SLC9A9: variants seen among roughly 807,000 people sequenced by gnomAD.
SLC9A9 encodes the protein sodium/hydrogen exchanger 9.
Under a neutral mutation model 77.8 loss-of-function variants are expected in SLC9A9, and 62 were observed. The observed-to-expected ratio is 0.80, with a 90% CI of 0.65 to 0.98. SLC9A9 has a LOEUF of 0.98. Ranked by LOEUF, SLC9A9 falls within the 50% of genes least tolerant of loss-of-function variation. SLC9A9 has a pLI of 0.00. For synonymous variants in SLC9A9, 320 were observed against 283.5 expected (o/e 1.13, Z -1.29); for missense variants, 775 against 774.9 (o/e 1.00, Z 0.00).
chr3:143,565,145 C>G (rs16853819), intron 8 of SLC9A9, among the ~76,000 whole-genome samples: 19,280 of 152,174 alleles, frequency 0.13, 1,282 homozygotes, highest in African/African-American at 0.14. Flanking sequence ...ATATTCTACC[C>G]TTGTGTGGAA....
At chr3:143,556,462 G>C (rs1365285427) in intron 8 of SLC9A9, among the ~76,000 whole-genome samples, 2 of 152,202 alleles carry the variant, frequency 1.3e-5, no homozygotes, top group African/African-American at 4.8e-5. Context: ...AGAAGGGCTT[G>C]CTTCTTCCTA....
At chr3:143,352,558 A>G in intron 14 of SLC9A9, among the ~76,000 whole-genome samples, 1 of 132,966 alleles carries the variant, frequency 7.5e-6, no homozygotes, top group Non-Finnish European at 1.5e-5. Context: ...CTGAAATACT[A>G]GAAGACAAGC....
chr3:143,338,099 T>G (rs1039638940), intron 14 of SLC9A9, among the ~76,000 whole-genome samples: 28 of 152,180 alleles, frequency 1.8e-4, no homozygotes, highest in African/African-American at 6.3e-4. Flanking sequence ...ATACAGAATG[T>G]GTACTTCTTG....
chr3:143,778,401 T>A (rs1284065641), intron 4 of SLC9A9, among the ~76,000 whole-genome samples: 1 of 152,218 alleles, frequency 6.6e-6, no homozygotes, highest in African/African-American at 2.4e-5. Flanking sequence ...TTAACTGAAG[T>A]CCCATTTAGT....
Position 143,666,975 on chromosome 3 carries a change from A to C in SLC9A9, c.650-14615T>G, listed in dbSNP as rs539548943. Among the ~76,000 whole-genome samples, 336 of 152,352 alleles carry C rather than the reference A, an allele frequency of 2.2e-3. 2 individuals are homozygous for C. The highest frequency in any genetic ancestry group is 7.4e-3 in the African/African-American group (307 of 41,582). On this transcript the variant is annotated intron_variant, in intron 5 of 15. Transcript: ENST00000316549. ...ATGACTTTCTTCACAGAATTGGAAA[A>C]AACTACTTTAAAGTTCATATGGAAC...
chr3:143,483,373 C>T (rs1282886666), intron 11 of SLC9A9, among the ~76,000 whole-genome samples: 4 of 152,130 alleles, frequency 2.6e-5, no homozygotes, highest in Non-Finnish European at 5.9e-5. Flanking sequence ...CATTACTGAA[C>T]TGGATCCATC....
rs567397642 is a variant in SLC9A9 at position 143,815,856 on chromosome 3, T to A, written c.378+16163A>T. On this transcript the variant is annotated intron_variant, in intron 2 of 15. Transcript: ENST00000316549. ...ACTCCAGCCTGGTGACAGAGCAAGA[T>A]TCCATCTCAAAAAAACAAACAAACA... Among the ~76,000 whole-genome samples the A allele has an allele frequency of 3.9e-5, 6 of 151,964 alleles. No homozygotes were observed. The South Asian group carries it at 1.2e-3, about 32-fold the overall frequency.
intron 4 of SLC9A9, among the ~76,000 whole-genome samples, chr3:143,755,182 C>G (rs939029614): frequency 2.6e-5 from 4 of 152,108 alleles, no homozygotes; most frequent in Non-Finnish European, 5.9e-5. Context: ...TCCTGTACCT[C>G]TCAGAGAGCA....
chr3:143,352,719 A>G (rs2032493491), intron 14 of SLC9A9, among the ~76,000 whole-genome samples: 1 of 152,244 alleles, frequency 6.6e-6, no homozygotes, highest in African/African-American at 2.4e-5. Flanking sequence ...TTATATTGGG[A>G]ACACACATTG....
chr3:143,745,904 A>G (rs1935187450), intron 4 of SLC9A9, among the ~76,000 whole-genome samples: 1 of 152,240 alleles, frequency 6.6e-6, no homozygotes, highest in African/African-American at 2.4e-5. Flanking sequence ...AGTTCCTTCT[A>G]CAAGGGGGAT....
chr3:143,640,653 G>T (rs965420666), intron 6 of SLC9A9, among the ~76,000 whole-genome samples: 1 of 152,146 alleles, frequency 6.6e-6, no homozygotes, highest in African/African-American at 2.4e-5. Flanking sequence ...TTGAGCCTAG[G>T]AATTCCAGAC....
intron 6 of SLC9A9, among the ~76,000 whole-genome samples, chr3:143,617,711 G>T (rs532918047): frequency 1.3e-5 from 2 of 152,142 alleles, no homozygotes; most frequent in Non-Finnish European, 1.5e-5. Context: ...CCATTTTCCC[G>T]TTGTCCTTCC....
chr3:143,774,195 C>T (rs2007619366), intron 4 of SLC9A9, among the ~76,000 whole-genome samples: 1 of 152,170 alleles, frequency 6.6e-6, no homozygotes, highest in Admixed American at 6.5e-5. Flanking sequence ...GGATTTTAAA[C>T]TCAGCAAGAT....
In SLC9A9 at chr3:143,266,999, T is replaced by TC; in HGVS notation, c.1711-71_1711-70insG. On this transcript the variant is annotated intron_variant, in intron 15 of 15. Transcript: ENST00000316549. ...GAAAACAATAGCAGTCCTACAATTT[T>TC]TTTTTTTTTTTAAACAGAATGCATG... The TC allele has an allele frequency of 2.0e-6, 3 of 1,477,946 alleles. No homozygotes were observed. In the African/African-American group the frequency reaches 4.2e-5, roughly 21 times the overall value. The allele number at this position is 1,477,946 out of a possible 1,614,324, so 91.6% of individuals were successfully genotyped here. A position where few individuals can be genotyped will look rare whatever the true frequency, so the allele number is the denominator to read the frequency against.
chr3:143,543,826 A>G (rs771515763), intron 9 of SLC9A9, among the ~76,000 whole-genome samples: 11 of 151,346 alleles, frequency 7.3e-5, no homozygotes, highest in Non-Finnish European at 1.3e-4. Context: ...TGTCTTTCTT[A>G]TTATGAATAG....
chr3:143,663,416 G>C (rs989728244), intron 5 of SLC9A9, among the ~76,000 whole-genome samples: 17 of 152,366 alleles, frequency 1.1e-4, no homozygotes, highest in Admixed American at 1.1e-3. Flanking sequence ...CTCCTCCAAA[G>C]AATCGCAGCT....
At chr3:143,398,935 A>G (rs2033789283) in intron 12 of SLC9A9, among the ~76,000 whole-genome samples, 1 of 152,112 alleles carries the variant, frequency 6.6e-6, no homozygotes, top group South Asian at 2.1e-4. Flanking sequence ...AGACCATATT[A>G]TATTATAGAC....
chr3:143,297,900 G>A (rs1234380127), intron 14 of SLC9A9, among the ~76,000 whole-genome samples: 1 of 152,154 alleles, frequency 6.6e-6, no homozygotes, highest in African/African-American at 2.4e-5. Context: ...AAAAAGCAGT[G>A]GGAGTAGACC....
intron 9 of SLC9A9, chr3:143,518,033 T>C: frequency 1.4e-6 from 2 of 1,438,014 alleles, no homozygotes; most frequent in Non-Finnish European, 1.9e-6. Flanking sequence ...TAAGTCTTCC[T>C]CCACCTTCTT....
Sources: allele counts gnomAD v4.1 joint callset (sites outside exome capture counted in the v4.1 genomes callset), GRCh38; gene constraint gnomAD v4.1.1; transcripts MANE v1.5; gene names NCBI Gene and HGNC (gene_info 2026-07-23, HGNC 2026-07-21).